BPIFB4: variants seen among roughly 807,000 people sequenced by gnomAD.
BPIFB4 encodes the protein BPI fold-containing family B member 4.
A neutral mutation model predicts 69.2 loss-of-function variants in BPIFB4; 62 were observed. That is an observed-to-expected ratio of 0.90 (90% CI 0.73 to 1.11). The LOEUF (loss-of-function observed/expected upper bound fraction) is 1.11, where lower values mean the gene tolerates loss of function less well. BPIFB4 is among the 50% of genes least tolerant of loss of function. The pLI, the probability that BPIFB4 is intolerant of heterozygous loss-of-function variation, is 0.00. For synonymous variants in BPIFB4, 330 were observed against 332.7 expected, an observed-to-expected ratio of 0.99 and a Z score of 0.09; for missense variants, 789 against 792.0, an observed-to-expected ratio of 1.00 and a Z score of 0.04.
At chr20:33,084,196 A>G (rs576675850) in intron 5 of BPIFB4, among the ~76,000 whole-genome samples, 5 of 152,354 alleles carry the variant, frequency 3.3e-5, no homozygotes, top group Non-Finnish European at 7.3e-5. Flanking sequence ...CCAAGGATTT[A>G]AAAACTATAC....
chr20:33,089,691 A>C, intron 9 of BPIFB4, 133 bp downstream of exon 9: 9 of 1,481,222 alleles, frequency 6.1e-6, no homozygotes, highest in South Asian at 1.4e-5. Flanking sequence ...TAATGCCACA[A>C]GGGAGGTGCC....
At chr20:33,099,189 C>T (rs1981838955) in intron 13 of BPIFB4, among the ~76,000 whole-genome samples, 1 of 152,176 alleles carries the variant, frequency 6.6e-6, no homozygotes, top group Non-Finnish European at 1.5e-5. Flanking sequence ...GTCCCATCTG[C>T]TGTCTTCCTG....
intron 13 of BPIFB4, among the ~76,000 whole-genome samples, chr20:33,099,256 T>C (rs2057261): frequency 0.56 from 85,663 of 151,960 alleles, 24,703 homozygotes; most frequent in Middle Eastern, 0.63. Flanking sequence ...AGTTGGGAAT[T>C]AGGTGCTCTA....
chr20:33,092,456 A>T lies in BPIFB4; in HGVS notation c.1144-2A>T, dbSNP rs766902471. On this transcript the variant is annotated splice_acceptor_variant, in intron 10 of 17. Coordinates refer to ENST00000375483, the MANE Select transcript of BPIFB4 (RefSeq NM_182519.3). LOFTEE classifies it high-confidence loss of function. ...TGACCCCTTTCTTCTCTTCTCCCCC[A>T]GACGCTGGTTGGGGAGGCTGGAGGA... The T allele has an allele frequency of 6.2e-7, 1 of 1,612,058 alleles. No individual in the cohort carries two copies. The highest frequency in any genetic ancestry group is 1.1e-5 in the South Asian group (1 of 90,960).
Position 33,089,558 on chromosome 20 carries a change from T to C in BPIFB4, c.1051T>C (p.Ser351Pro). 6.2e-7 allele frequency: 1 copy of C among 1,614,210 alleles called. No individual in the cohort carries two copies. The highest frequency in any genetic ancestry group is 8.5e-7 in the Non-Finnish European group (1 of 1,180,024). ...CAATGACCAGCTGGGCCTCGTGGATTGTAAGTCCAATACACTTTCTCCAGC... is the reference window on the plus strand; with the variant it reads ...CAATGACCAGCTGGGCCTCGTGGATCGTAAGTCCAATACACTTTCTCCAGC... ...LVNDQLGLVD[S>P]LIPLGILGSV... is the part of the protein sequence containing the mutation. Residue 351 changes from serine to proline, a missense_variant and splice_region_variant, in exon 9 of 18, where the codon TCT (serine) becomes CCT (proline). Transcript: ENST00000375483.
At chr20:33,101,073 G>A (rs1981895590) in intron 14 of BPIFB4, among the ~76,000 whole-genome samples, 1 of 152,024 alleles carries the variant, frequency 6.6e-6, no homozygotes, top group African/African-American at 2.4e-5. Context: ...ATGAGGAGGA[G>A]GACGAGGAGG....
chr20:33,089,829 A>G (rs1419081607), intron 9 of BPIFB4, among the ~76,000 whole-genome samples: 2 of 152,110 alleles, frequency 1.3e-5, no homozygotes, highest in Admixed American at 6.5e-5. Flanking sequence ...TCTGGGAGGT[A>G]ATGGCTCGTC....
At chr20:33,088,716 T>C (rs928215945) in intron 7 of BPIFB4, among the ~76,000 whole-genome samples, 2 of 152,238 alleles carry the variant, frequency 1.3e-5, no homozygotes, top group Non-Finnish European at 2.9e-5. Context: ...TGACCCATTA[T>C]AAAGCTCCAG....
intron 7 of BPIFB4, among the ~76,000 whole-genome samples, chr20:33,088,474 A>G (rs2146405875): frequency 6.6e-6 from 1 of 152,304 alleles, no homozygotes; most frequent in East Asian, 1.9e-4. Flanking sequence ...TTTCTTGTGG[A>G]TCACATGAGC....
intron 5 of BPIFB4, among the ~76,000 whole-genome samples, 161 bp from the exon 6 acceptor site, chr20:33,084,729 TTC>T (rs1220897677): frequency 6.6e-6 from 1 of 152,248 alleles, no homozygotes; most frequent in Non-Finnish European, 1.5e-5. Context: ...TTGCCTTAAT[TTC>T]TCTGTTTTCC....
At position 33,109,164 on chromosome 20, in the gene BPIFB4, C is replaced by T. The variant is rs375527709; in HGVS notation, c.1821+1344C>T. On this transcript the variant is annotated intron_variant, in intron 17 of 17. Transcript: ENST00000375483. ...AGTTTTCTCATCTGAAAATGGGGAA[C>T]GATAATGGCCACCTCATACAGTTTG... Among the ~76,000 whole-genome samples the T allele has an allele frequency of 1.9e-3, 290 of 152,128 alleles. 1 individual carries two copies. Among genetic ancestry groups the T allele is most frequent in the Middle Eastern group, 0.017 (5 of 294 alleles).
intron 8 of BPIFB4, 130 bp downstream of exon 8, chr20:33,089,159 T>G: frequency 1.4e-6 from 2 of 1,435,544 alleles, no homozygotes; most frequent in Non-Finnish European, 1.9e-6. Context: ...GCCTGGGGCA[T>G]GTATTTGGAG....
Position 33,103,025 on chromosome 20 carries a change from T to C in BPIFB4, c.1680+11T>C, listed in dbSNP as rs2146414768. 12 of 1,613,056 alleles carry C rather than the reference T, an allele frequency of 7.4e-6. No individual in the cohort carries two copies. Among genetic ancestry groups the C allele is most frequent in the Non-Finnish European group, 1.0e-5 (12 of 1,179,072 alleles). Reference sequence around the variant, plus strand: ...GTGGGCAACTTTGATGTAAGTACCATGTTTAGTTCCCAGGGCAAGATCTTC... The same window carrying C: ...GTGGGCAACTTTGATGTAAGTACCACGTTTAGTTCCCAGGGCAAGATCTTC... On this transcript the variant is annotated intron_variant, in intron 15 of 17. Coordinates refer to ENST00000375483, the MANE Select transcript of BPIFB4 (RefSeq NM_182519.3).
intron 4 of BPIFB4, 151 bp from the exon 5 acceptor site, chr20:33,083,216 C>T: frequency 1.8e-6 from 1 of 563,578 alleles, no homozygotes; most frequent in Non-Finnish European, 2.7e-6. Flanking sequence ...TGGGGGGTTG[C>T]TGGGTGGCAG....
rs1982241813 is a variant in BPIFB4 at position 33,111,626 on chromosome 20, C to T, written c.*189C>T. ...GTCCAGCCACTACCCTGTTGGCAAA[C>T]ATTCCCTTCCATGGTCAGCCTGCCA... On this transcript the variant is annotated 3_prime_UTR_variant, in exon 18 of 18. Transcript: ENST00000375483. 3 of 655,652 alleles carry T rather than the reference C, an allele frequency of 4.6e-6. No homozygotes were observed. Among genetic ancestry groups the T allele is most frequent in the Admixed American group, 2.8e-5 (1 of 36,122 alleles). The allele number at this position is 655,652 out of a possible 1,614,324, so 40.6% of individuals were successfully genotyped here.
At chr20:33,091,573 G>A (rs1028082430) in intron 10 of BPIFB4, among the ~76,000 whole-genome samples, 3 of 152,240 alleles carry the variant, frequency 2.0e-5, no homozygotes, top group African/African-American at 4.8e-5. Context: ...GTATACAGGC[G>A]CCCCTGCGCA....
intron 11 of BPIFB4, among the ~76,000 whole-genome samples, chr20:33,093,530 C>T (rs566623755): frequency 8.8e-5 from 13 of 148,238 alleles, no homozygotes; most frequent in Admixed American, 6.1e-4. Flanking sequence ...ATTCATCCAT[C>T]CACTCATCAA....
chr20:33,086,144 C>A lies in BPIFB4; in HGVS notation c.906C>A (p.Ile302=). Residue 302 remains isoleucine (I), a synonymous_variant, in exon 7 of 18, where the codon ATC becomes ATA. Coordinates refer to ENST00000375483, the MANE Select transcript of BPIFB4 (RefSeq NM_182519.3). Reference sequence around the variant, plus strand: ...GATGTGACACCCTCCTAGGGGGCATCAAAGTCAAGCTGCTGCGAGGGTGAG... The same window carrying A: ...GATGTGACACCCTCCTAGGGGGCATAAAAGTCAAGCTGCTGCGAGGGTGAG... ...IERCDTLLGG[I]KVKLLRGLLP... The A allele has an allele frequency of 1.2e-6, 2 of 1,606,836 alleles. No homozygotes were observed. Among genetic ancestry groups the A allele is most frequent in the Non-Finnish European group, 1.7e-6 (2 of 1,174,008 alleles).
intron 5 of BPIFB4, 109 bp downstream of exon 5, chr20:33,083,983 A>G: frequency 7.6e-7 from 1 of 1,316,000 alleles, no homozygotes; most frequent in Non-Finnish European, 1.0e-6. Context: ...AGCCCCACAC[A>G]CTTCAGGGTT....
Sources: allele counts gnomAD v4.1 joint callset (sites outside exome capture counted in the v4.1 genomes callset), GRCh38; gene constraint gnomAD v4.1.1; transcripts MANE v1.5; gene names NCBI Gene and HGNC (gene_info 2026-07-23, HGNC 2026-07-21).